MADD: variants seen among roughly 807,000 people sequenced by gnomAD.
The protein encoded by MADD is MAP kinase-activating death domain protein.
Under a neutral mutation model 176.7 loss-of-function variants are expected in MADD, and 109 were observed. That is an observed-to-expected ratio of 0.62 (90% CI 0.53 to 0.72). The LOEUF is 0.72. MADD is among the 30% of genes least tolerant of loss of function. The pLI is 0.00. For missense variants in MADD, 1,914 were observed against 2,045.5 expected (o/e 0.94, Z 1.24); for synonymous variants, 771 against 771.3 (o/e 1.00, Z 0.01).
intron 1 of MADD, among the ~76,000 whole-genome samples, chr11:47,272,811 T>C (rs1591526886): frequency 6.6e-6 from 1 of 152,290 alleles, no homozygotes; most frequent in Non-Finnish European, 1.5e-5. Context: ...GCCTCTGTAA[T>C]GTATAGTAGG....
intron 14 of MADD, 25 bp from the exon 15 acceptor site, chr11:47,286,408 C>G: frequency 6.6e-7 from 1 of 1,519,970 alleles, no homozygotes; most frequent in Non-Finnish European, 9.1e-7. Flanking sequence ...GCCAAGTCAT[C>G]GCTCTTGCAC....
At chr11:47,289,991 A>G in exon 17 of MADD, 1 of 1,614,138 alleles carries the variant, frequency 6.2e-7, no homozygotes, top group Admixed American at 1.7e-5. Context: ...CTTTGTCCTG[A>G]GCAAGCTGAA....
chr11:47,326,712 C>T (rs529553820), intron 30 of MADD, 26 bp from the exon 35 acceptor site: 3 of 1,612,192 alleles, frequency 1.9e-6, no homozygotes, highest in South Asian at 1.1e-5. Context: ...GTGGGCCTTA[C>T]CCCGGCCTCC....
chr11:47,307,696 T>C (rs1241052743), intron 22 of MADD, among the ~76,000 whole-genome samples: 1 of 151,534 alleles, frequency 6.6e-6, no homozygotes, highest in Non-Finnish European at 1.5e-5. Context: ...CAAGTTGGAG[T>C]CTCACTCTGT....
chr11:47,324,441 G>A (rs1315184362), intron 29 of MADD, 30 bp from the exon 33 acceptor site: 27 of 1,604,234 alleles, frequency 1.7e-5, no homozygotes, highest in African/African-American at 2.7e-5. Flanking sequence ...CACCTCACCA[G>A]TGAGCTGATA....
chr11:47,311,707 T>C, intron 25 of MADD, 25 bp from the exon 29 acceptor site: 1 of 1,419,712 alleles, frequency 7.0e-7, no homozygotes, highest in South Asian at 1.1e-5. Context: ...GATCCCTTGT[T>C]AAGAGTCATG....
intron 3 of MADD, among the ~76,000 whole-genome samples, chr11:47,275,552 A>C (rs1200298283): frequency 6.6e-6 from 1 of 152,218 alleles, no homozygotes; most frequent in Non-Finnish European, 1.5e-5. Flanking sequence ...TGGCCTCCCA[A>C]AGTGCTGGGA....
chr11:47,293,951 G>A, exon 20 of MADD: 2 of 1,614,226 alleles, frequency 1.2e-6, no homozygotes, highest in Non-Finnish European at 1.7e-6. Context: ...GATCAGCGCA[G>A]ACAGTGGTGT....
At chr11:47,292,054 A>G (rs2065786811) in intron 19 of MADD, among the ~76,000 whole-genome samples, 2 of 152,188 alleles carry the variant, frequency 1.3e-5, no homozygotes, top group South Asian at 4.1e-4. Flanking sequence ...AGTCCAGTGA[A>G]TCAAGCAAAG....
At chr11:47,289,957 G>C in exon 17 of MADD, 2 of 1,614,168 alleles carry the variant, frequency 1.2e-6, no homozygotes, top group Non-Finnish European at 1.7e-6. Flanking sequence ...TGCGCCGGCT[G>C]CTGGAGAGCG....
chr11:47,294,706 A>T (rs1470350954), intron 20 of MADD, among the ~76,000 whole-genome samples: 1 of 151,636 alleles, frequency 6.6e-6, no homozygotes, highest in African/African-American at 2.4e-5. Context: ...AACAACCTCA[A>T]AACAATATAA....
chr11:47,283,344 C>G (rs1322515745), intron 10 of MADD, among the ~76,000 whole-genome samples: 1 of 152,128 alleles, frequency 6.6e-6, no homozygotes, highest in Non-Finnish European at 1.5e-5. Flanking sequence ...CTGCCCGCCT[C>G]GGCCTCCCAA....
chr11:47,277,092 A>G (rs527507208), intron 5 of MADD, among the ~76,000 whole-genome samples: 1 of 152,348 alleles, frequency 6.6e-6, no homozygotes, highest in South Asian at 2.1e-4. Context: ...ACACTGCAGC[A>G]GGTGTTACGT....
rs1248535730 is a variant in MADD, at chr11:47,288,934, G to A, written c.2654-457G>A. The A allele has an allele frequency of 2.6e-6, 4 of 1,514,106 alleles. No homozygotes were observed. In the South Asian group the frequency reaches 4.7e-5, roughly 18 times the overall value. The allele number at this position is 1,514,106 out of a possible 1,614,324, so 93.8% of individuals were successfully genotyped here. On this transcript the variant is annotated intron_variant, in intron 15 of 32. Coordinates refer to ENST00000402192, the Ensembl canonical transcript of MADD. ...AGGGGTAGAGGGGTTGCGGTATTGTGGTACACCTACTAATTGTGTATTTTG... is the reference window on the plus strand; with the variant it reads ...AGGGGTAGAGGGGTTGCGGTATTGTAGTACACCTACTAATTGTGTATTTTG...
chr11:47,309,896 C>T (rs1208638531), intron 25 of MADD, among the ~76,000 whole-genome samples: 1 of 147,976 alleles, frequency 6.8e-6, no homozygotes, highest in Admixed American at 6.9e-5. Context: ...GGCAGGAGTG[C>T]AGTGGCGCAA....
exon 17 of MADD, chr11:47,289,886 A>C (rs779153088): frequency 6.2e-7 from 1 of 1,613,800 alleles, no homozygotes; most frequent in South Asian, 1.1e-5. Context: ...GCAGTTCCTG[A>C]AGGAGGTGGT....
chr11:47,289,943 A>T lies in MADD; in HGVS notation c.2833A>T (p.Lys945Ter). 6.2e-7 allele frequency: 1 copy of T among 1,614,156 alleles called. No individual in the cohort carries two copies. The highest frequency in any genetic ancestry group is 8.5e-7 in the Non-Finnish European group (1 of 1,180,034). Residue 945 changes from lysine to a stop codon, truncating the protein, a stop_gained, in exon 17 of 33, where the codon AAG becomes TAG. Coordinates refer to ENST00000402192, the Ensembl canonical transcript of MADD. LOFTEE classifies it high-confidence loss of function. ...GGGAGTTGGCTGGCTCAACATGAAA[A>T]AGGTGCGCCGGCTGCTGGAGAGCGA...
chr11:47,316,059 C>T (rs1467210661), intron 27 of MADD, among the ~76,000 whole-genome samples: 1 of 152,110 alleles, frequency 6.6e-6, no homozygotes, highest in Non-Finnish European at 1.5e-5. Flanking sequence ...TGGTCTTGAA[C>T]TCCTGACCTC....
chr11:47,304,832 G>A (rs1262187843), intron 22 of MADD, among the ~76,000 whole-genome samples: 1 of 151,940 alleles, frequency 6.6e-6, no homozygotes, highest in Non-Finnish European at 1.5e-5. Flanking sequence ...TTATGTCTCT[G>A]TGTTGATACC....
Sources: gnomAD v4.1 joint callset for allele counts (sites outside exome capture counted in the v4.1 genomes callset) on GRCh38, gnomAD v4.1.1 for gene constraint, MANE v1.5 for transcripts, NCBI Gene and HGNC (gene_info 2026-07-23, HGNC 2026-07-21) for gene names.